Variants in NCKAP1L observed in about 807,000 individuals in gnomAD.
NCKAP1L encodes the protein nck-associated protein 1-like.
Under a neutral mutation model 139.2 loss-of-function variants are expected in NCKAP1L, and 53 were observed. That is an observed-to-expected ratio of 0.38 (90% CI 0.31 to 0.48). The LOEUF (loss-of-function observed/expected upper bound fraction) is 0.48. Among genes scored for constraint, NCKAP1L ranks in the 20% least tolerant of loss-of-function variants. The probability of loss-of-function intolerance (pLI) is 0.98; values close to 1 mark genes in which losing one functional copy is unlikely to be tolerated. For missense variants in NCKAP1L, 1,151 were observed against 1,381.9 expected (o/e 0.83, Z 2.65); for synonymous variants, 468 against 499.7 (o/e 0.94, Z 0.85).
intron 28 of NCKAP1L, chr12:54,536,635 T>A (rs975448221): frequency 4.3e-4 from 136 of 316,108 alleles, no homozygotes; most frequent in African/African-American, 3.0e-3. Flanking sequence ...TCCAGCATAG[T>A]GACAGAGCAA....
At chr12:54,532,090 T>C in intron 25 of NCKAP1L, 80 bp from the exon 26 acceptor site, 1 of 726,884 alleles carries the variant, frequency 1.4e-6, no homozygotes, top group Non-Finnish European at 1.9e-6. Context: ...GCCCCTCCTT[T>C]TTTTTTTTTT....
At chr12:54,534,115 G>C (rs537303933) in intron 26 of NCKAP1L, among the ~76,000 whole-genome samples, 3 of 152,276 alleles carry the variant, frequency 2.0e-5, no homozygotes, top group Admixed American at 1.3e-4. Flanking sequence ...AGAAGGTAAA[G>C]AGAAATGCAA....
At chr12:54,514,474 A>G (rs1157236106) in intron 9 of NCKAP1L, among the ~76,000 whole-genome samples, 1 of 151,910 alleles carries the variant, frequency 6.6e-6, no homozygotes, top group Non-Finnish European at 1.5e-5. Flanking sequence ...GGCATGTACA[A>G]CCACCCCCAG....
At position 54,536,197 on chromosome 12, in the gene NCKAP1L, C is replaced by T; in HGVS notation, c.3025C>T (p.Pro1009Ser). ...CTTGATCTTTCTGGCAGTTTCCCTC[C>T]CACTCCTTGCCACTGACCCTTCTTC... ...LLLIFLAVSL[P>S]LLATDPSSFY... The change falls in exon 28 of 31, where the codon CCA (proline) becomes TCA (serine). Residue 1009 changes from proline (P) to serine (S), a missense_variant. Pro to Ser is a moderately conservative substitution (Grantham distance 74). Coordinates refer to ENST00000293373, the MANE Select transcript of NCKAP1L (RefSeq NM_005337.5). The T allele has an allele frequency of 6.2e-7, 1 of 1,613,364 alleles. No individual in the cohort carries two copies. Among genetic ancestry groups the T allele is most frequent in the Non-Finnish European group, 8.5e-7 (1 of 1,179,712 alleles).
intron 16 of NCKAP1L, 93 bp from the exon 17 acceptor site, chr12:54,520,601 C>T (rs986246421): frequency 6.6e-6 from 9 of 1,370,592 alleles, no homozygotes; most frequent in African/African-American, 2.9e-5. Flanking sequence ...GGGACTAGCT[C>T]TTAAACTCTA....
chr12:54,530,202 G>A (rs2120953100), intron 22 of NCKAP1L, among the ~76,000 whole-genome samples: 1 of 152,314 alleles, frequency 6.6e-6, no homozygotes. Context: ...ACTCTTATTA[G>A]CGATATTAAA....
At chr12:54,522,351 A>G (rs1956990661) in intron 18 of NCKAP1L, among the ~76,000 whole-genome samples, 1 of 152,258 alleles carries the variant, frequency 6.6e-6, no homozygotes, top group Non-Finnish European at 1.5e-5. Context: ...ACTTGCAAGA[A>G]CACTGGTAAA....
At chr12:54,505,970 C>T (rs1469019658) in intron 3 of NCKAP1L, among the ~76,000 whole-genome samples, 1 of 152,288 alleles carries the variant, frequency 6.6e-6, no homozygotes, top group African/African-American at 2.4e-5. Flanking sequence ...CCTCAGTCCC[C>T]CTTTTTGCTG....
chr12:54,548,127 C>T lies in NCKAP1L; in HGVS notation c.*5442C>T, dbSNP rs999859330. ...TTTCACTTCTTTTCTCCTTCTCTGACTGGGAGAGGAGGAGCCTCCACTCAG... is the reference window on the plus strand; with the variant it reads ...TTTCACTTCTTTTCTCCTTCTCTGATTGGGAGAGGAGGAGCCTCCACTCAG... On this transcript the variant is annotated 3_prime_UTR_variant, in exon 31 of 31. Coordinates refer to ENST00000293373, the MANE Select transcript of NCKAP1L (RefSeq NM_005337.5). 2 of 152,212 alleles carry T rather than the reference C, an allele frequency of 1.3e-5. No individual in the cohort carries two copies. Among genetic ancestry groups the T allele is most frequent in the African/African-American group, 4.8e-5 (2 of 41,454 alleles). The allele number at this position is 152,212 out of a possible 1,614,324, so 9.4% of individuals were successfully genotyped here. A position where few individuals can be genotyped will look rare whatever the true frequency, so the allele number is the denominator to read the frequency against.
In NCKAP1L at chr12:54,532,269, T is replaced by G. The variant is rs746797748; in HGVS notation, c.2862+19T>G. ...CATCAAGGTATGGAGGAGTGCAAAG[T>G]AGAATCTAATTAGGAGACTTTTGTT... On this transcript the variant is annotated intron_variant, in intron 26 of 30. Coordinates refer to ENST00000293373, the MANE Select transcript of NCKAP1L (RefSeq NM_005337.5). 1.4e-5 allele frequency: 23 copies of G among 1,590,246 alleles called. No individual in the cohort carries two copies. The highest frequency in any genetic ancestry group is 1.8e-5 in the Non-Finnish European group (21 of 1,164,920).
At chr12:54,510,013 G>A in intron 7 of NCKAP1L, 28 bp downstream of exon 7, 1 of 1,612,442 alleles carries the variant, frequency 6.2e-7, no homozygotes, top group Non-Finnish European at 8.5e-7. Context: ...TTTGTTAGTG[G>A]AAGCATTCTC....
rs200217462 is a variant in NCKAP1L at position 54,508,501 on chromosome 12, A to G, written c.476A>G (p.Asn159Ser). Residue 159 changes from asparagine to serine, a missense_variant, in exon 5 of 31, where the codon AAT (asparagine) becomes AGT (serine). By Grantham distance (46) the Asn-to-Ser change is conservative. Coordinates refer to ENST00000293373, the MANE Select transcript of NCKAP1L (RefSeq NM_005337.5). The stretch of plus-strand genomic sequence containing the variant: ...CGGCGGATACTCATTGGCATGTACA[A>G]TTGTGCCCATGAGATGCTGCATGGG... ...EDRRILIGMY[N>S]CAHEMLHGHG... The G allele has an allele frequency of 2.7e-4, 443 of 1,614,028 alleles. No homozygotes were observed. The highest frequency in any genetic ancestry group is 3.5e-4 in the Non-Finnish European group (408 of 1,179,996).
rs777473364 is a variant in NCKAP1L, at chr12:54,538,915, A to G, written c.3215A>G (p.Gln1072Arg). The change falls in exon 30 of 31, where the codon CAG becomes CGG. Residue 1072 changes from glutamine to arginine, a missense_variant. By Grantham distance (43) the Gln-to-Arg change is conservative. Coordinates refer to ENST00000293373, the MANE Select transcript of NCKAP1L (RefSeq NM_005337.5). ...VASVSLLQLGQETDKLKTRNR... is the reference protein window; with the variant it reads ...VASVSLLQLGRETDKLKTRNR... Reference sequence around the variant, plus strand: ...TCTGTCAGCCTCTTGCAGCTGGGCCAGGAGACTGACAAGCTTAAAACCAGA... The same window carrying G: ...TCTGTCAGCCTCTTGCAGCTGGGCCGGGAGACTGACAAGCTTAAAACCAGA... 1.2e-6 allele frequency: 2 copies of G among 1,613,954 alleles called. No individual in the cohort carries two copies. Among genetic ancestry groups the G allele is most frequent in the African/African-American group, 1.3e-5 (1 of 74,930 alleles).
chr12:54,521,315 C>G, intron 18 of NCKAP1L, 77 bp downstream of exon 18: 1 of 1,571,586 alleles, frequency 6.4e-7, no homozygotes, highest in East Asian at 2.3e-5. Context: ...CTTTGTTTCC[C>G]TCTCAGATGC....
intron 16 of NCKAP1L, 99 bp from the exon 17 acceptor site, chr12:54,520,595 C>G (rs1226433489): frequency 1.4e-5 from 17 of 1,222,564 alleles, no homozygotes; most frequent in African/African-American, 1.2e-4. Context: ...CTCAAAGGGA[C>G]TAGCTCTTAA....
intron 2 of NCKAP1L, 30 bp downstream of exon 2, chr12:54,499,495 T>C: frequency 7.9e-7 from 1 of 1,259,020 alleles, no homozygotes. Context: ...CTCCTTTCTC[T>C]GAATAATTCT....
chr12:54,542,764 A>C lies in NCKAP1L; in HGVS notation c.*79A>C. The C allele has an allele frequency of 2.9e-5, 14 of 479,772 alleles. No individual in the cohort carries two copies. Among genetic ancestry groups the C allele is most frequent in the East Asian group, 5.7e-5 (1 of 17,646 alleles). 29.7% of individuals were successfully genotyped at this position (479,772 alleles called of 1,614,324 possible). On this transcript the variant is annotated 3_prime_UTR_variant, in exon 31 of 31. Transcript: ENST00000293373. ...TAGTGGAAGCTGTGGTCACTTTCGC[A>C]GGGGGTGGGAATGGGGTGGGGTCAC...
At chr12:54,498,848 C>A in intron 1 of NCKAP1L, 1 of 982,596 alleles carries the variant, frequency 1.0e-6, no homozygotes, top group East Asian at 1.1e-4. Context: ...TGTTATTTCG[C>A]TCTTAGATAC....
At chr12:54,499,488 C>CT in intron 2 of NCKAP1L, 23 bp downstream of exon 2, 1 of 1,319,330 alleles carries the variant, frequency 7.6e-7, no homozygotes, top group Non-Finnish European at 1.1e-6. Context: ...TCCTTCTCTC[C>CT]TTTCTCTGAA....
Sources: allele counts gnomAD v4.1 joint callset (sites outside exome capture counted in the v4.1 genomes callset), GRCh38; gene constraint gnomAD v4.1.1; transcripts MANE v1.5; gene names NCBI Gene and HGNC (gene_info 2026-07-23, HGNC 2026-07-21).